The following SLIT2 variants were observed in gnomAD, a reference collection of about 807,000 sequenced individuals.
The protein encoded by SLIT2 is slit guidance ligand 2.
Under a neutral mutation model 185.7 loss-of-function variants are expected in SLIT2, and 41 were observed. The ratio of observed to expected loss-of-function variants is 0.22; its 90% CI spans 0.17 to 0.29. SLIT2 has a LOEUF of 0.29. SLIT2 is among the 10% of genes least tolerant of loss of function. The probability of loss-of-function intolerance (pLI) is 1.00; values close to 1 mark genes in which losing one functional copy is unlikely to be tolerated. For missense variants in SLIT2, 1,571 were observed against 1,909.0 expected, an observed-to-expected ratio of 0.82 and a Z score of 3.30; for synonymous variants, 693 against 680.2, an observed-to-expected ratio of 1.02 and a Z score of -0.29.
At chr4:20,554,008 T>C (rs1175855497) in intron 26 of SLIT2, 40 bp downstream of exon 26, 1 of 1,454,212 alleles carries the variant, frequency 6.9e-7, no homozygotes, top group Non-Finnish European at 9.3e-7. Context: ...TAAGAATTAC[T>C]ATATTAAGTA....
At chr4:20,468,242 T>G (rs1204643436) in intron 5 of SLIT2, among the ~76,000 whole-genome samples, 4 of 152,122 alleles carry the variant, frequency 2.6e-5, no homozygotes, top group Non-Finnish European at 2.9e-5. Context: ...TTACTAGAAG[T>G]GCTATGAGAA....
intron 4 of SLIT2, among the ~76,000 whole-genome samples, chr4:20,323,260 G>T (rs767355486): frequency 2.7e-4 from 41 of 152,220 alleles, no homozygotes; most frequent in African/African-American, 5.1e-4. Flanking sequence ...CTGATATCTT[G>T]CTTTCCAGGC....
chr4:20,262,910 G>C (rs889515714), intron 3 of SLIT2, among the ~76,000 whole-genome samples: 3 of 151,750 alleles, frequency 2.0e-5, no homozygotes. Flanking sequence ...GAGAAGGCCC[G>C]TTTGCTCTTT....
At chr4:20,338,971 T>A (rs1560331288) in intron 4 of SLIT2, among the ~76,000 whole-genome samples, 1 of 151,342 alleles carries the variant, frequency 6.6e-6, no homozygotes, top group Non-Finnish European at 1.5e-5. Flanking sequence ...CGTGTGCCTG[T>A]AGTCCTAGCT....
intron 11 of SLIT2, among the ~76,000 whole-genome samples, chr4:20,513,528 G>A (rs1009018170): frequency 2.6e-5 from 4 of 152,104 alleles, no homozygotes; most frequent in African/African-American, 7.2e-5. Context: ...AATGTATTGG[G>A]CCCGATTATG....
intron 4 of SLIT2, among the ~76,000 whole-genome samples, chr4:20,310,100 C>T (rs1309792424): frequency 6.6e-6 from 1 of 152,120 alleles, no homozygotes; most frequent in East Asian, 1.9e-4. Flanking sequence ...CTATCTTCAT[C>T]AGCTACTTTG....
At chr4:20,331,905 C>G (rs961829429) in intron 4 of SLIT2, among the ~76,000 whole-genome samples, 1 of 152,074 alleles carries the variant, frequency 6.6e-6, no homozygotes. Flanking sequence ...GCTTCTTTCA[C>G]TTAGCAAATA....
chr4:20,582,425 C>T (rs755641317), intron 29 of SLIT2, among the ~76,000 whole-genome samples: 9 of 152,288 alleles, frequency 5.9e-5, no homozygotes, highest in East Asian at 1.9e-4. Context: ...TCGTTATCTG[C>T]GGGTGATACG....
intron 18 of SLIT2, 51 bp downstream of exon 18, chr4:20,533,766 A>G (rs752463817): frequency 2.6e-6 from 4 of 1,528,004 alleles, no homozygotes; most frequent in East Asian, 4.5e-5. Flanking sequence ...ATTGCAGCTC[A>G]TTGTTCATTA....
chr4:20,598,906 ACTCT>A (rs1251852646), intron 33 of SLIT2, among the ~76,000 whole-genome samples: 4 of 151,952 alleles, frequency 2.6e-5, no homozygotes, highest in Admixed American at 2.0e-4. Flanking sequence ...GAATCTATAG[ACTCT>A]AGTAATGTAG....
Position 20,610,154 on chromosome 4 carries a change from A to T in SLIT2, c.3834A>T (p.Pro1278=). Reference sequence around the variant, plus strand: ...AGTCCACTCTGAATTTTGACTCTCCACTCTATGTAGGAGGTAAGCTGTCTT... The same window carrying T: ...AGTCCACTCTGAATTTTGACTCTCCTCTCTATGTAGGAGGTAAGCTGTCTT... ...SKQSTLNFDS[P]LYVGGMPGKS... The change falls in exon 34 of 37, where the codon CCA becomes CCT. Residue 1278 remains proline, a synonymous_variant. Transcript: ENST00000504154. 1 of 1,612,976 alleles carries T rather than the reference A, an allele frequency of 6.2e-7. No homozygotes were observed. The highest frequency in any genetic ancestry group is 8.5e-7 in the Non-Finnish European group (1 of 1,179,476).
At chr4:20,583,884 G>A (rs193176666) in intron 29 of SLIT2, among the ~76,000 whole-genome samples, 2 of 151,832 alleles carry the variant, frequency 1.3e-5, no homozygotes, top group Admixed American at 1.3e-4. Context: ...TGAAGCAGAA[G>A]GTAAGGCCAA....
chr4:20,564,063 G>A (rs1724901628), intron 26 of SLIT2, among the ~76,000 whole-genome samples: 1 of 151,736 alleles, frequency 6.6e-6, no homozygotes, highest in Admixed American at 6.6e-5. Flanking sequence ...CTCGTGGAGA[G>A]GTGTGCTTCT....
intron 29 of SLIT2, among the ~76,000 whole-genome samples, chr4:20,589,315 G>A (rs1560219239): frequency 6.6e-6 from 1 of 151,744 alleles, no homozygotes; most frequent in East Asian, 1.9e-4. Flanking sequence ...TATATATCAA[G>A]AAAAAAAATC....
intron 3 of SLIT2, among the ~76,000 whole-genome samples, chr4:20,266,384 G>A (rs1467678748): frequency 1.3e-5 from 2 of 151,958 alleles, no homozygotes; most frequent in African/African-American, 4.8e-5. Flanking sequence ...TTGATGGAAT[G>A]GAAAGGAGGA....
intron 4 of SLIT2, among the ~76,000 whole-genome samples, chr4:20,410,310 G>A (rs1209582608): frequency 2.2e-5 from 3 of 139,200 alleles, no homozygotes; most frequent in African/African-American, 5.4e-5. Context: ...GTGCAGTGGC[G>A]CAATCTTGGT....
intron 5 of SLIT2, among the ~76,000 whole-genome samples, chr4:20,472,509 TAG>T (rs1491467034): frequency 1.5e-4 from 3 of 20,222 alleles, no homozygotes; most frequent in Admixed American, 1.0e-3. Flanking sequence ...TATCTATATA[TAG>T]ATAGATATAT....
intron 9 of SLIT2, among the ~76,000 whole-genome samples, chr4:20,505,499 G>A (rs561082116): frequency 1.1e-4 from 17 of 152,132 alleles, no homozygotes; most frequent in African/African-American, 3.9e-4. Flanking sequence ...CGAATTGAAC[G>A]CTAGAGAGCT....
At chr4:20,373,713 T>C (rs1723779411) in intron 4 of SLIT2, among the ~76,000 whole-genome samples, 1 of 152,074 alleles carries the variant, frequency 6.6e-6, no homozygotes, top group Non-Finnish European at 1.5e-5. Context: ...AATATATAAA[T>C]GACTAAGTGA....
Sources: gnomAD v4.1 joint callset for allele counts (sites outside exome capture counted in the v4.1 genomes callset) on GRCh38, gnomAD v4.1.1 for gene constraint, MANE v1.5 for transcripts, NCBI Gene and HGNC (gene_info 2026-07-23, HGNC 2026-07-21) for gene names.